The following PCDHA1 variants were observed in gnomAD, a reference collection of about 807,000 sequenced individuals.
The protein encoded by PCDHA1 is protocadherin alpha-1.
PCDHA1 carries 42 observed loss-of-function variants against 61.3 expected under a neutral mutation model. The observed-to-expected ratio is 0.69, with a 90% confidence interval of 0.54 to 0.89. The LOEUF (loss-of-function observed/expected upper bound fraction) is 0.89. Among genes scored for constraint, PCDHA1 ranks in the 40% least tolerant of loss-of-function variants. The probability of loss-of-function intolerance (pLI) is 0.00; values close to 1 mark genes in which losing one functional copy is unlikely to be tolerated. For synonymous variants in PCDHA1, 610 were observed against 553.8 expected (o/e 1.10, Z -1.43); for missense variants, 1,256 against 1,235.3 (o/e 1.02, Z -0.25).
chr5:140,814,918 G>A (rs2126660030), intron 1 of PCDHA1: 8 of 152,236 alleles, frequency 5.3e-5, no homozygotes, highest in African/African-American at 1.9e-4. Context: ...CTGGTGAATT[G>A]ACCTTTTATC....
intron 1 of PCDHA1, chr5:140,875,761 G>A (rs373515339): frequency 1.9e-6 from 3 of 1,614,236 alleles, no homozygotes; most frequent in East Asian, 2.2e-5. Flanking sequence ...GAAGCTGTGC[G>A]GGCGGAGCGC....
chr5:140,870,759 G>C, intron 1 of PCDHA1: 1 of 1,613,572 alleles, frequency 6.2e-7, no homozygotes, highest in South Asian at 1.1e-5. Context: ...CGCTGCAGGT[G>C]TTCGTGCTGG....
At chr5:140,808,028 T>C in intron 1 of PCDHA1, 1 of 1,614,030 alleles carries the variant, frequency 6.2e-7, no homozygotes, top group East Asian at 2.2e-5. Flanking sequence ...TGTTTATTCA[T>C]TCTCAAATGA....
intron 1 of PCDHA1, chr5:140,807,515 G>A (rs1554124060): frequency 6.8e-6 from 11 of 1,613,912 alleles, no homozygotes; most frequent in Non-Finnish European, 9.3e-6. Flanking sequence ...GGAGGTGATC[G>A]TAGACAGGCC....
chr5:140,786,560 C>G lies in PCDHA1; in HGVS notation c.270C>G (p.Ile90Met). ...GCATTTTGTTTGTGAATTCTCGGAT[C>G]GATCGCGAGGAGCTGTGCCAGTGGA... ...QNGILFVNSR[I>M]DREELCQWSA... Residue 90 changes from isoleucine to methionine, a missense_variant, in exon 1 of 4, where the codon ATC (isoleucine) becomes ATG (methionine). Ile to Met is a conservative substitution (Grantham distance 10). Coordinates refer to ENST00000504120, the MANE Select transcript of PCDHA1 (RefSeq NM_018900.4). 6.2e-7 allele frequency: 1 copy of G among 1,614,212 alleles called. No homozygotes were observed. Among genetic ancestry groups the G allele is most frequent in the Non-Finnish European group, 8.5e-7 (1 of 1,180,044 alleles).
intron 1 of PCDHA1, chr5:140,795,033 C>T: frequency 3.1e-6 from 5 of 1,613,860 alleles, no homozygotes; most frequent in Non-Finnish European, 4.2e-6. Flanking sequence ...TCCTCGCAGC[C>T]TGGGAGGTGG....
At chr5:140,857,569 G>T (rs1554150250) in intron 1 of PCDHA1, 3 of 1,596,900 alleles carry the variant, frequency 1.9e-6, no homozygotes, top group South Asian at 1.1e-5. Context: ...CGAGCTACGT[G>T]TCGGTGCACG....
chr5:140,927,894 C>T (rs372774238), intron 1 of PCDHA1: 2 of 1,614,208 alleles, frequency 1.2e-6, no homozygotes, highest in South Asian at 2.2e-5. Context: ...CTGACGTGAA[C>T]GATCATGCCC....
At chr5:140,869,631 G>A in intron 1 of PCDHA1, 1 of 1,613,652 alleles carries the variant, frequency 6.2e-7, no homozygotes, top group Non-Finnish European at 8.5e-7. Context: ...GTAAAAATGA[G>A]TATTTTTCTT....
chr5:140,880,381 A>C (rs2058322833), intron 1 of PCDHA1, among the ~76,000 whole-genome samples: 1 of 152,196 alleles, frequency 6.6e-6, no homozygotes, highest in Admixed American at 6.5e-5. Context: ...GAGAATAGAA[A>C]ATAATTTTTA....
At position 141,010,305 on chromosome 5, in the gene PCDHA1, G is replaced by GT; in HGVS notation, c.*372dup. 1 of 1,548,478 alleles carries GT rather than the reference G, an allele frequency of 6.5e-7. No homozygotes were observed. Among genetic ancestry groups the GT allele is most frequent in the Non-Finnish European group, 8.7e-7 (1 of 1,146,036 alleles). On this transcript the variant is annotated 3_prime_UTR_variant, in exon 4 of 4. Transcript: ENST00000504120. ...TGACACTTGCAGGGCAGGCTGAAAAGTTTTGAGATTGAGCAGCTTGGGAGT... is the reference window on the plus strand; with the variant it reads ...TGACACTTGCAGGGCAGGCTGAAAAGTTTTTGAGATTGAGCAGCTTGGGAGT...
At chr5:141,004,580 A>T (rs782539696) in intron 3 of PCDHA1, among the ~76,000 whole-genome samples, 1 of 152,222 alleles carries the variant, frequency 6.6e-6, no homozygotes, top group Non-Finnish European at 1.5e-5. Context: ...TGTGTTCTGC[A>T]TCTCCAGATG....
intron 2 of PCDHA1, 87 bp downstream of exon 2, chr5:140,979,094 T>C (rs1203462119): frequency 6.4e-7 from 1 of 1,551,870 alleles, no homozygotes; most frequent in Non-Finnish European, 8.7e-7. Flanking sequence ...CAGAAGCAGC[T>C]GTCAAAACTA....
chr5:140,959,060 T>C (rs1201389008), intron 1 of PCDHA1, among the ~76,000 whole-genome samples: 1 of 152,138 alleles, frequency 6.6e-6, no homozygotes, highest in Admixed American at 6.5e-5. Context: ...AAATGCAGTA[T>C]ATATAGAATT....
chr5:140,873,131 T>C (rs895883185), intron 1 of PCDHA1, among the ~76,000 whole-genome samples: 7 of 152,334 alleles, frequency 4.6e-5, no homozygotes, highest in Admixed American at 3.9e-4. Context: ...TCAAAGAGTC[T>C]ATGCTGAAGC....
intron 1 of PCDHA1, among the ~76,000 whole-genome samples, chr5:140,890,111 A>G (rs1365246358): frequency 6.6e-6 from 1 of 152,194 alleles, no homozygotes; most frequent in Admixed American, 6.5e-5. Context: ...TCTGGATTCA[A>G]TGATGTCACT....
chr5:141,005,335 G>A, intron 3 of PCDHA1, among the ~76,000 whole-genome samples: 1 of 152,148 alleles, frequency 6.6e-6, no homozygotes, highest in Middle Eastern at 3.2e-3. Context: ...ATAGGCCAAG[G>A]GGGTGCTGCT....
At chr5:140,850,249 T>TGGGC in intron 1 of PCDHA1, 1 of 1,593,502 alleles carries the variant, frequency 6.3e-7, no homozygotes, top group Non-Finnish European at 8.6e-7. Context: ...CTGCGGTCGG[T>TGGGC]GGGCGCCGGC....
rs2150328350 is a variant in PCDHA1, at chr5:140,842,056, T to G, written c.2394+53372T>G. On this transcript the variant is annotated intron_variant, in intron 1 of 3. Transcript: ENST00000504120. ...ATAATGCTCCCACTTTCGAACAGTCTGAATACGAAGTAAGAATATTCGAAA... is the reference window on the plus strand; with the variant it reads ...ATAATGCTCCCACTTTCGAACAGTCGGAATACGAAGTAAGAATATTCGAAA... The G allele has an allele frequency of 3.7e-5, 59 of 1,613,726 alleles. 1 individual carries two copies. Among genetic ancestry groups the G allele is most frequent in the Non-Finnish European group, 4.6e-5 (54 of 1,179,870 alleles).
Sources: gnomAD v4.1 joint callset for allele counts (sites outside exome capture counted in the v4.1 genomes callset) on GRCh38, gnomAD v4.1.1 for gene constraint, MANE v1.5 for transcripts, NCBI Gene and HGNC (gene_info 2026-07-23, HGNC 2026-07-21) for gene names.